The following NEUROD1 variants were observed in gnomAD, a reference collection of about 807,000 sequenced individuals.
NEUROD1 encodes neuronal differentiation 1.
In NEUROD1, 9 loss-of-function variants were observed where a neutral mutation model predicts 21.8. The observed-to-expected ratio is 0.41, with a 90% CI of 0.25 to 0.72. NEUROD1 has a LOEUF of 0.72. Among genes scored for constraint, NEUROD1 ranks in the 30% least tolerant of loss-of-function variants. The pLI is 0.31. For synonymous variants in NEUROD1, 199 were observed against 186.2 expected (o/e 1.07, Z -0.56); for missense variants, 434 against 468.8 (o/e 0.93, Z 0.69).
Position 181,678,215 on chromosome 2 carries a change from C to T in NEUROD1, c.646G>A (p.Val216Ile), listed in dbSNP as rs755299574. 1.5e-4 allele frequency: 248 copies of T among 1,613,962 alleles called. No individual in the cohort carries two copies. Among genetic ancestry groups the T allele is most frequent in the Non-Finnish European group, 2.0e-4 (231 of 1,180,002 alleles). The change falls in exon 2 of 2, where the codon GTA becomes ATA. Residue 216 changes from valine (V) to isoleucine (I), a missense_variant. Transcript: ENST00000295108. The surrounding 1 kb of genome is among the most constrained non-coding windows in gnomAD (Gnocchi z 5.5). ...GGCGACTGGTAGGAGTAGGGGTGTACAGGGAAGGAAGCGCTGGCCGTCGGC... is the reference window on the plus strand; with the variant it reads ...GGCGACTGGTAGGAGTAGGGGTGTATAGGGAAGGAAGCGCTGGCCGTCGGC... ...HLPTASASFP[V>I]HPYSYQSPGL...
downstream of NEUROD1, among the ~76,000 whole-genome samples, chr2:181,675,509 C>T (rs954408033): frequency 2.0e-5 from 3 of 152,074 alleles, no homozygotes; most frequent in Non-Finnish European, 2.9e-5. Flanking sequence ...ATGTGGCACC[C>T]GAATCAGAGT....
intron 1 of NEUROD1, among the ~76,000 whole-genome samples, chr2:181,679,564 C>A (rs577290440): frequency 6.6e-6 from 1 of 152,364 alleles, no homozygotes; most frequent in African/African-American, 2.4e-5. Context: ...CGCTAAATTT[C>A]CACCTTGTAC....
Position 181,678,225 on chromosome 2 carries a change from A to C in NEUROD1, c.636T>G (p.Ala212=). 1 of 1,614,132 alleles carries C rather than the reference A, an allele frequency of 6.2e-7. No homozygotes were observed. The highest frequency in any genetic ancestry group is 1.1e-5 in the South Asian group (1 of 91,084). Reference sequence around the variant, plus strand: ...AGGAGTAGGGGTGTACAGGGAAGGAAGCGCTGGCCGTCGGCAGGTGGGGGG... The same window carrying C: ...AGGAGTAGGGGTGTACAGGGAAGGACGCGCTGGCCGTCGGCAGGTGGGGGG... The part of the protein sequence containing the change: ...DMPPHLPTAS[A]SFPVHPYSYQ... Residue 212 remains alanine (A), a synonymous_variant, in exon 2 of 2, where the codon GCT becomes GCG. Transcript: ENST00000295108. The surrounding 1 kb of genome is among the most constrained non-coding windows in gnomAD (Gnocchi z 5.5).
chr2:181,675,527 A>G (rs1290425315), downstream of NEUROD1, among the ~76,000 whole-genome samples: 1 of 152,234 alleles, frequency 6.6e-6, no homozygotes, highest in Non-Finnish European at 1.5e-5. Context: ...AGTAGAAACA[A>G]TGGAGTTACT....
exon 2 of NEUROD1, among the ~76,000 whole-genome samples, chr2:181,671,027 A>ACG (rs756710308): frequency 2.3e-5 from 2 of 87,018 alleles, no homozygotes; most frequent in Non-Finnish European, 6.0e-5. Context: ...ATATGTGTGC[A>ACG]CACACACACA....
chr2:181,673,974 A>C (rs886134576), downstream of NEUROD1, among the ~76,000 whole-genome samples: 1 of 152,132 alleles, frequency 6.6e-6, no homozygotes, highest in Non-Finnish European at 1.5e-5. Flanking sequence ...AACACTCTTG[A>C]TATTATAATC....
At chr2:181,671,994 A>G (rs1004425614), downstream of NEUROD1, among the ~76,000 whole-genome samples, 68 of 152,234 alleles carry the variant, frequency 4.5e-4, no homozygotes, top group African/African-American at 1.6e-3. Context: ...ACCCTTCAAA[A>G]TAGAAATTAT....
intron 1 of NEUROD1, among the ~76,000 whole-genome samples, 182 bp downstream of exon 1, chr2:181,680,248 C>T (rs1393304350): frequency 6.6e-6 from 1 of 152,060 alleles, no homozygotes; most frequent in Non-Finnish European, 1.5e-5. Flanking sequence ...AGAAAGCCTG[C>T]AGGGGGTACT....
chr2:181,671,185 G>A (rs1341127917), exon 2 of NEUROD1, among the ~76,000 whole-genome samples: 14 of 152,066 alleles, frequency 9.2e-5, no homozygotes, highest in Admixed American at 8.5e-4. Context: ...TTTTTAATAT[G>A]CCAGTCAGAA....
chr2:181,673,967 ACT>A (rs1559133970), downstream of NEUROD1, among the ~76,000 whole-genome samples: 1 of 152,048 alleles, frequency 6.6e-6, no homozygotes, highest in Non-Finnish European at 1.5e-5. Context: ...TTAGTAGAAC[ACT>A]CTTGATATTA....
chr2:181,678,463 T>G lies in NEUROD1; in HGVS notation c.398A>C (p.Lys133Thr), dbSNP rs1332860451. The G allele has an allele frequency of 6.2e-7, 1 of 1,614,230 alleles. No individual in the cohort carries two copies. The highest frequency in any genetic ancestry group is 1.7e-5 in the Admixed American group (1 of 60,034). The change falls in exon 2 of 2, where the codon AAG becomes ACG. Residue 133 changes from lysine to threonine, a missense_variant. Lys to Thr is a moderately conservative substitution (Grantham distance 78). Coordinates refer to ENST00000295108, the MANE Select transcript of NEUROD1 (RefSeq NM_002500.5). This position sits in a 1 kb window ranked among gnomAD's most constrained non-coding sequence, Gnocchi z 5.5. ...NLRKVVPCYS[K>T]TQKLSKIETL... The stretch of plus-strand genomic sequence containing the variant: ...CTCGATTTTGGACAGCTTCTGCGTC[T>G]TAGAATAGCAAGGCACCACCTTGCG...
exon 2 of NEUROD1, among the ~76,000 whole-genome samples, chr2:181,670,896 T>A (rs1164620482): frequency 1.3e-5 from 2 of 152,144 alleles, no homozygotes; most frequent in Non-Finnish European, 2.9e-5. Context: ...TTACATCTTA[T>A]ATCTTAATTA....
chr2:181,677,947 G>C lies in NEUROD1; in HGVS notation c.914C>G (p.Ala305Gly). The change falls in exon 2 of 2, where the codon GCA (alanine) becomes GGA (glycine). Residue 305 changes from alanine (A) to glycine (G), a missense_variant. By Grantham distance (60) the Ala-to-Gly change is moderately conservative. Coordinates refer to ENST00000295108, the MANE Select transcript of NEUROD1 (RefSeq NM_002500.5). ...GCTTTGGGCCCCTGCCAGTGTCGCT[G>C]CAGGATAGTGCATGGTAAAGGCATA... ...KNYAFTMHYP[A>G]ATLAGAQSHG... The C allele has an allele frequency of 6.2e-7, 1 of 1,614,244 alleles. No individual in the cohort carries two copies. The highest frequency in any genetic ancestry group is 8.5e-7 in the Non-Finnish European group (1 of 1,180,050).
exon 2 of NEUROD1, among the ~76,000 whole-genome samples, chr2:181,671,175 T>C (rs374881217): frequency 6.6e-6 from 1 of 152,134 alleles, no homozygotes; most frequent in East Asian, 1.9e-4. Flanking sequence ...TCGCTTAATA[T>C]TTTTAATATG....
In NEUROD1 at chr2:181,678,632, C is replaced by T; in HGVS notation, c.229G>A (p.Asp77Asn). ...CCGCGTCTCTTGGGCTTTTGATCGT[C>T]ATCCTCCTCTTCCTCTTCTTCCTCC... ...EEEEEEEEEDDDQKPKRRGPK... is the reference protein window; with the variant it reads ...EEEEEEEEEDNDQKPKRRGPK... Residue 77 changes from aspartate to asparagine, a missense_variant, in exon 2 of 2, where the codon GAC becomes AAC. Coordinates refer to ENST00000295108, the MANE Select transcript of NEUROD1 (RefSeq NM_002500.5). The surrounding 1 kb of genome is among the most constrained non-coding windows in gnomAD (Gnocchi z 5.5). 6.2e-7 allele frequency: 1 copy of T among 1,614,040 alleles called. No homozygotes were observed. The highest frequency in any genetic ancestry group is 8.5e-7 in the Non-Finnish European group (1 of 1,179,952).
downstream of NEUROD1, among the ~76,000 whole-genome samples, chr2:181,669,883 G>C (rs1231901062): frequency 6.6e-6 from 1 of 152,092 alleles, no homozygotes; most frequent in Non-Finnish European, 1.5e-5. Flanking sequence ...CAAATAATCA[G>C]ATGAAAGCCC....
At chr2:181,675,348 A>G (rs1296125134), downstream of NEUROD1, among the ~76,000 whole-genome samples, 1 of 152,200 alleles carries the variant, frequency 6.6e-6, no homozygotes, top group Non-Finnish European at 1.5e-5. Context: ...CTCATTGGCA[A>G]TGTTATTAGT....
chr2:181,674,956 G>C (rs1384146151), downstream of NEUROD1, among the ~76,000 whole-genome samples: 1 of 152,154 alleles, frequency 6.6e-6, no homozygotes, highest in Non-Finnish European at 1.5e-5. Context: ...ATTTTAGTTT[G>C]CATGAAGATG....
At chr2:181,675,200 G>A (rs918990947), downstream of NEUROD1, among the ~76,000 whole-genome samples, 5 of 152,152 alleles carry the variant, frequency 3.3e-5, no homozygotes, top group Admixed American at 6.5e-5. Flanking sequence ...AGATAAAGTT[G>A]GGACTAACTT....
Sources: gnomAD v4.1 joint callset for allele counts (sites outside exome capture counted in the v4.1 genomes callset) on GRCh38, gnomAD v4.1.1 for gene constraint, Gnocchi (gnomAD v3.1) non-coding constraint, MANE v1.5 for transcripts, NCBI Gene and HGNC (gene_info 2026-07-23, HGNC 2026-07-21) for gene names.